The following SLCO3A1 variants were observed in gnomAD, a reference collection of about 807,000 sequenced individuals.
The protein encoded by SLCO3A1 is PGE1 transporter.
A neutral mutation model predicts 63.1 loss-of-function variants in SLCO3A1; 27 were observed. The observed-to-expected ratio is 0.43, with a 90% CI of 0.32 to 0.59. SLCO3A1 has a LOEUF of 0.59. Among genes scored for constraint, SLCO3A1 ranks in the 20% least tolerant of loss-of-function variants. The pLI is 0.09. For synonymous variants in SLCO3A1, 473 were observed against 409.9 expected (o/e 1.15, Z -1.86); for missense variants, 773 against 945.8 (o/e 0.82, Z 2.40).
Position 92,165,503 on chromosome 15 carries a change from A to T in SLCO3A1, c.*2368A>T. 2 of 980,262 alleles carry T rather than the reference A, an allele frequency of 2.0e-6. No individual in the cohort carries two copies. The highest frequency in any genetic ancestry group is 1.2e-6 in the Non-Finnish European group (1 of 827,568). 60.7% of individuals were successfully genotyped at this position (980,262 alleles called of 1,614,324 possible). A position where few individuals can be genotyped will look rare whatever the true frequency, so the allele number is the denominator to read the frequency against. On this transcript the variant is annotated 3_prime_UTR_variant, in exon 10 of 10. Transcript: ENST00000318445. The stretch of plus-strand genomic sequence containing the variant: ...GTTTTATGGAACTATTTGCTTTGAG[A>T]GAAAAAAAAAAGAAAGTTTTTTAAA...
rs185179951 is a variant in SLCO3A1 at position 92,062,876 on chromosome 15, A to G, written c.647-32005A>G. Among the ~76,000 whole-genome samples the G allele has an allele frequency of 2.4e-3, 361 of 152,286 alleles. 2 individuals carry two copies. The highest frequency in any genetic ancestry group is 7.7e-3 in the African/African-American group (321 of 41,562). On this transcript the variant is annotated intron_variant, in intron 2 of 9. Transcript: ENST00000318445. The stretch of plus-strand genomic sequence containing the variant: ...AGGGCAGCCCTGGGATGGCTTCTGA[A>G]TCAGGGCCTGCCCGCCTCCTGCAGG...
Position 92,059,780 on chromosome 15 carries a change from C to T in SLCO3A1, c.647-35101C>T, listed in dbSNP as rs190064818. ...TCAGACCAGCATTGCTGCCCAGAGC[C>T]CTAACACAGCCTGATAAGTGCATAT... On this transcript the variant is annotated intron_variant, in intron 2 of 9. Coordinates refer to ENST00000318445, the MANE Select transcript of SLCO3A1 (RefSeq NM_013272.4). 2.0e-4 allele frequency among the ~76,000 whole-genome samples: 30 copies of T among 152,278 alleles called. No homozygotes were observed. In the East Asian group the frequency reaches 5.6e-3, roughly 28 times the overall value.
intron 1 of SLCO3A1, 140 bp from the exon 2 acceptor site, chr15:91,915,853 G>A: frequency 2.9e-6 from 2 of 700,206 alleles, no homozygotes; most frequent in Non-Finnish European, 5.1e-6. Context: ...CATTTACACA[G>A]CTGCCTTTTT....
At chr15:92,128,909 C>T (rs2047959426) in intron 7 of SLCO3A1, among the ~76,000 whole-genome samples, 1 of 152,232 alleles carries the variant, frequency 6.6e-6, no homozygotes, top group Non-Finnish European at 1.5e-5. Flanking sequence ...AGCTTCTTTC[C>T]TACCCAGTTT....
chr15:92,098,655 T>C (rs536937499), intron 3 of SLCO3A1, among the ~76,000 whole-genome samples: 1 of 152,308 alleles, frequency 6.6e-6, no homozygotes, highest in Admixed American at 6.5e-5. Flanking sequence ...GATTGCCTCA[T>C]TGGAGCCTCA....
intron 2 of SLCO3A1, among the ~76,000 whole-genome samples, chr15:91,993,985 G>GC (rs2046159769): frequency 6.6e-6 from 1 of 152,270 alleles, no homozygotes; most frequent in South Asian, 2.1e-4. Flanking sequence ...AGGTCTTCCA[G>GC]CCCCAGGCAA....
intron 2 of SLCO3A1, among the ~76,000 whole-genome samples, chr15:91,935,744 A>G (rs1899390519): frequency 6.6e-6 from 1 of 152,140 alleles, no homozygotes. Context: ...TGAGTTGCTG[A>G]GCAGGTATCT....
chr15:91,991,374 G>T (rs2046124556), intron 2 of SLCO3A1, among the ~76,000 whole-genome samples: 1 of 151,906 alleles, frequency 6.6e-6, no homozygotes, highest in Admixed American at 6.6e-5. Context: ...AAAAAAAATT[G>T]CCCAATTTTA....
intron 2 of SLCO3A1, among the ~76,000 whole-genome samples, chr15:91,971,471 A>C (rs1003596319): frequency 6.8e-6 from 1 of 146,510 alleles, no homozygotes; most frequent in Non-Finnish European, 1.5e-5. Flanking sequence ...TTTGTTGTCT[A>C]TTTGATGTCA....
intron 2 of SLCO3A1, among the ~76,000 whole-genome samples, chr15:91,966,807 G>A (rs1254306862): frequency 6.6e-6 from 1 of 152,090 alleles, no homozygotes; most frequent in Non-Finnish European, 1.5e-5. Context: ...CACTGTTCGT[G>A]GAAAAAGGTG....
chr15:91,948,114 A>C lies in SLCO3A1; in HGVS notation c.646+31656A>C, dbSNP rs116356266. Among the ~76,000 whole-genome samples, 639 of 152,266 alleles carry C rather than the reference A, an allele frequency of 4.2e-3. 4 individuals are homozygous for C. Among genetic ancestry groups the C allele is most frequent in the African/African-American group, 0.014 (597 of 41,554 alleles). On this transcript the variant is annotated intron_variant, in intron 2 of 9. Transcript: ENST00000318445. The surrounding 1 kb of genome is among the most constrained non-coding windows in gnomAD (Gnocchi z 4.8). The stretch of plus-strand genomic sequence containing the variant: ...TTCTGCATTCCTTGCTCAGCTTTCC[A>C]CACCCTAATAAAAGTCTGAGCCAGA...
chr15:91,921,661 C>G (rs2151383268), intron 2 of SLCO3A1, among the ~76,000 whole-genome samples: 1 of 152,188 alleles, frequency 6.6e-6, no homozygotes, highest in South Asian at 2.1e-4. Flanking sequence ...TGGTAACTAT[C>G]ACACAGTAGC....
intron 2 of SLCO3A1, among the ~76,000 whole-genome samples, chr15:91,930,470 G>A (rs2151389820): frequency 6.6e-6 from 1 of 152,150 alleles, no homozygotes; most frequent in East Asian, 1.9e-4. Flanking sequence ...CATGCCCAAT[G>A]AGTAATAACC....
At chr15:92,046,285 C>CG (rs2046862104) in intron 2 of SLCO3A1, among the ~76,000 whole-genome samples, 1 of 151,846 alleles carries the variant, frequency 6.6e-6, no homozygotes, top group African/African-American at 2.4e-5. Flanking sequence ...GAGGCCGAGA[C>CG]GGATGGGTCA....
intron 2 of SLCO3A1, among the ~76,000 whole-genome samples, chr15:92,019,031 G>C (rs968559720): frequency 3.9e-5 from 6 of 152,098 alleles, no homozygotes; most frequent in African/African-American, 1.4e-4. Flanking sequence ...TTAACTAGGA[G>C]TGTGTGCGTC....
At chr15:91,965,527 C>T (rs777141993) in intron 2 of SLCO3A1, among the ~76,000 whole-genome samples, 17 of 152,148 alleles carry the variant, frequency 1.1e-4, no homozygotes, top group Non-Finnish European at 1.9e-4. Flanking sequence ...TTGAGACTCC[C>T]ACCCCACCCC....
At chr15:92,153,422 A>G (rs1413499574) in intron 9 of SLCO3A1, 3 of 152,234 alleles carry the variant, frequency 2.0e-5, no homozygotes, top group Non-Finnish European at 4.4e-5. Context: ...GAAGACTATG[A>G]CACAGCTTCA....
chr15:91,919,875 A>C (rs1281944761), intron 2 of SLCO3A1, among the ~76,000 whole-genome samples: 3 of 152,170 alleles, frequency 2.0e-5, no homozygotes, highest in African/African-American at 7.2e-5. Context: ...ATGTAGAAAA[A>C]GAATAATTAG....
At position 92,104,521 on chromosome 15, in the gene SLCO3A1, T is replaced by C. The variant is rs1178218880; in HGVS notation, c.988T>C (p.Ser330Pro). Residue 330 changes from serine to proline, a missense_variant, in exon 4 of 10, where the codon TCC (serine) becomes CCC (proline). Ser to Pro is a moderately conservative substitution (Grantham distance 74). This residue lies in a region of SLCO3A1 where 565 missense variants were observed against 749.8 expected (regional missense o/e 0.75). Coordinates refer to ENST00000318445, the MANE Select transcript of SLCO3A1 (RefSeq NM_013272.4). ...RHPLEPDSSA[S>P]CFQQLRVIPK... ...CCCCCTGGAGCCAGACAGCAGTGCC[T>C]CCTGTTTCCAGCAGCTGAGAGGTAA... 6.2e-7 allele frequency: 1 copy of C among 1,613,706 alleles called. No individual in the cohort carries two copies.
Sources: allele counts gnomAD v4.1 joint callset (sites outside exome capture counted in the v4.1 genomes callset), GRCh38; gene constraint gnomAD v4.1.1; regional missense constraint gnomAD v4.1.1; non-coding constraint Gnocchi (gnomAD v3.1); transcripts MANE v1.5; gene names NCBI Gene and HGNC (gene_info 2026-07-23, HGNC 2026-07-21).